The following GRID2 variants were observed in gnomAD, a reference collection of about 807,000 sequenced individuals.
GRID2 encodes the protein glutamate receptor ionotropic, delta-2.
In GRID2, 33 loss-of-function variants were observed where a neutral mutation model predicts 114.8. The ratio of observed to expected loss-of-function variants is 0.29; its 90% confidence interval spans 0.22 to 0.38. The LOEUF is 0.38. Among genes scored for constraint, GRID2 ranks in the 10% least tolerant of loss-of-function variants. The pLI, the probability that GRID2 is intolerant of heterozygous loss-of-function variation, is 1.00. For synonymous variants in GRID2, 505 were observed against 449.9 expected, an observed-to-expected ratio of 1.12 and a Z score of -1.55; for missense variants, 1,184 against 1,257.7, an observed-to-expected ratio of 0.94 and a Z score of 0.89.
chr4:93,741,174 C>CATATATATATATATATATATATATACAT (rs1731348764), intron 14 of GRID2, among the ~76,000 whole-genome samples: 1 of 41,230 alleles, frequency 2.4e-5, no homozygotes, highest in African/African-American at 1.2e-4. Flanking sequence ...TATATATATA[C>CATATATATATATATATATATATATACAT]ATATATATAT....
intron 10 of GRID2, among the ~76,000 whole-genome samples, chr4:93,448,690 A>T (rs1722326106): frequency 6.6e-6 from 1 of 152,060 alleles, no homozygotes; most frequent in Non-Finnish European, 1.5e-5. Flanking sequence ...AAAAGAGAAA[A>T]AGAAACAAAA....
At position 93,731,214 on chromosome 4, in the gene GRID2, G is replaced by A. The variant is rs1056733096; in HGVS notation, c.2361-37996G>A. Among the ~76,000 whole-genome samples the A allele has an allele frequency of 3.5e-4, 54 of 152,150 alleles. 1 individual carries two copies. The highest frequency in any genetic ancestry group is 6.2e-4 in the South Asian group (3 of 4,826). On this transcript the variant is annotated intron_variant, in intron 14 of 15. Coordinates refer to ENST00000282020, the MANE Select transcript of GRID2 (RefSeq NM_001510.4). The stretch of plus-strand genomic sequence containing the variant: ...AGAACCCACAGGAGCAGGTTGAGGC[G>A]CAGGGGCACCACTGAGACTAAGAGA...
chr4:92,403,972 A>T (rs951879043), intron 1 of GRID2, among the ~76,000 whole-genome samples: 4 of 152,152 alleles, frequency 2.6e-5, no homozygotes, highest in African/African-American at 9.6e-5. Flanking sequence ...ATGATAATAA[A>T]CATCAAAAAT....
intron 1 of GRID2, among the ~76,000 whole-genome samples, chr4:92,490,940 T>G (rs756676781): frequency 1.3e-5 from 2 of 152,102 alleles, no homozygotes; most frequent in African/African-American, 2.4e-5. Flanking sequence ...CTAGTATCTA[T>G]CTAAAAATAA....
At chr4:93,751,823 G>T (rs1253583941) in intron 14 of GRID2, among the ~76,000 whole-genome samples, 1 of 152,254 alleles carries the variant, frequency 6.6e-6, no homozygotes, top group East Asian at 1.9e-4. Context: ...AACCCGGCTT[G>T]CCCTCCTAAA....
intron 1 of GRID2, among the ~76,000 whole-genome samples, chr4:93,788,300 A>G (rs1734632636): frequency 6.6e-6 from 1 of 151,382 alleles, no homozygotes; most frequent in Non-Finnish European, 1.5e-5. Context: ...CCAGGGTGAC[A>G]GAGCGAGACT....
intron 2 of GRID2, among the ~76,000 whole-genome samples, chr4:92,909,969 T>C (rs1748248758): frequency 6.6e-6 from 1 of 152,080 alleles, no homozygotes; most frequent in South Asian, 2.1e-4. Flanking sequence ...AAGTCCTCCA[T>C]TAGTCCTAAT....
chr4:92,332,635 G>A (rs1726953977), intron 1 of GRID2, among the ~76,000 whole-genome samples: 1 of 152,152 alleles, frequency 6.6e-6, no homozygotes, highest in Admixed American at 6.5e-5. Flanking sequence ...CTTAAAGCAT[G>A]ATTTATTCTG....
intron 1 of GRID2, among the ~76,000 whole-genome samples, chr4:92,356,375 A>G (rs1728322891): frequency 6.6e-6 from 1 of 151,428 alleles, no homozygotes; most frequent in Non-Finnish European, 1.5e-5. Flanking sequence ...ATATTTATAT[A>G]TTTTTTAAAA....
chr4:92,795,395 C>A (rs933764947), intron 2 of GRID2, among the ~76,000 whole-genome samples: 4 of 151,834 alleles, frequency 2.6e-5, no homozygotes, highest in Non-Finnish European at 5.9e-5. Context: ...GTAAGAAGTG[C>A]CTTTCACCTC....
At chr4:93,761,117 G>A (rs1321650322) in intron 14 of GRID2, among the ~76,000 whole-genome samples, 1 of 152,152 alleles carries the variant, frequency 6.6e-6, no homozygotes, top group Non-Finnish European at 1.5e-5. Context: ...TCTCAGCGTG[G>A]TGAAATGTGG....
intron 1 of GRID2, among the ~76,000 whole-genome samples, chr4:92,437,269 T>G (rs1560628346): frequency 6.6e-6 from 1 of 152,326 alleles, no homozygotes; most frequent in East Asian, 1.9e-4. Context: ...TATATTTCTC[T>G]AGGAATGCTT....
intron 13 of GRID2, among the ~76,000 whole-genome samples, chr4:93,619,853 G>C (rs1439983219): frequency 6.6e-6 from 1 of 152,150 alleles, no homozygotes; most frequent in Non-Finnish European, 1.5e-5. Flanking sequence ...AAACTACATA[G>C]CATTATATTT....
chr4:92,348,417 A>G lies in GRID2; in HGVS notation c.88+43673A>G, dbSNP rs184146153. ...TGTAGAATTAGTATTCATTTCACAGAAAGAACAATGATATGATAACAGAAG... is the reference window on the plus strand; with the variant it reads ...TGTAGAATTAGTATTCATTTCACAGGAAGAACAATGATATGATAACAGAAG... On this transcript the variant is annotated intron_variant, in intron 1 of 15. Coordinates refer to ENST00000282020, the MANE Select transcript of GRID2 (RefSeq NM_001510.4). Among the ~76,000 whole-genome samples the G allele has an allele frequency of 3.3e-3, 498 of 152,336 alleles. 7 individuals carry two copies. Among genetic ancestry groups the G allele is most frequent in the Non-Finnish European group, 7.6e-4 (52 of 68,042 alleles).
chr4:92,881,734 G>C (rs192797858), intron 2 of GRID2, among the ~76,000 whole-genome samples: 206 of 152,228 alleles, frequency 1.4e-3, no homozygotes, highest in African/African-American at 4.8e-3. Context: ...AATAGGAAAT[G>C]AATGTTGAGA....
rs147208507 is a variant in GRID2 at position 93,428,941 on chromosome 4, A to C, written c.1545+5973A>C. 5.5e-3 allele frequency among the ~76,000 whole-genome samples: 842 copies of C among 152,318 alleles called. 4 individuals carry two copies. The highest frequency in any genetic ancestry group is 0.019 in the African/African-American group (805 of 41,578). On this transcript the variant is annotated intron_variant, in intron 10 of 15. Transcript: ENST00000282020. ...TCAAAGAGCAAAGGATGAACAGAGT[A>C]GGACATTGGAAAAGCAAAAAGAAAA...
intron 13 of GRID2, among the ~76,000 whole-genome samples, chr4:93,607,227 C>T (rs576970794): frequency 2.0e-5 from 3 of 152,134 alleles, no homozygotes; most frequent in Admixed American, 6.5e-5. Context: ...TTTTTAATAA[C>T]GTACTAACAT....
At chr4:92,334,591 T>C (rs191851176) in intron 1 of GRID2, among the ~76,000 whole-genome samples, 2 of 152,192 alleles carry the variant, frequency 1.3e-5, no homozygotes, top group East Asian at 3.9e-4. Context: ...AACTCGTTTT[T>C]TTTTTTAACA....
At chr4:92,453,110 T>C (rs1721028906) in intron 1 of GRID2, among the ~76,000 whole-genome samples, 1 of 151,904 alleles carries the variant, frequency 6.6e-6, no homozygotes. Flanking sequence ...AAATACCATG[T>C]CAGAATTTAT....
Sources: gnomAD v4.1 joint callset for allele counts (sites outside exome capture counted in the v4.1 genomes callset) on GRCh38, gnomAD v4.1.1 for gene constraint, MANE v1.5 for transcripts, NCBI Gene and HGNC (gene_info 2026-07-23, HGNC 2026-07-21) for gene names.